GK5: variants seen among roughly 807,000 people sequenced by gnomAD.
The protein encoded by GK5 is ATP:glycerol 3-phosphotransferase 5.
GK5 carries 39 observed loss-of-function variants against 77.3 expected under a neutral mutation model. That is an observed-to-expected ratio of 0.50 (90% CI 0.39 to 0.66). The LOEUF is 0.66. GK5 is among the 30% of genes least tolerant of loss of function. The pLI is 0.00. For synonymous variants in GK5, 211 were observed against 208.0 expected, an observed-to-expected ratio of 1.01 and a Z score of -0.13; for missense variants, 487 against 633.8, an observed-to-expected ratio of 0.77 and a Z score of 2.49.
At chr3:142,213,644 A>T (rs1318795429) in intron 2 of GK5, 43 bp from the exon 3 acceptor site, 1 of 1,277,194 alleles carries the variant, frequency 7.8e-7, no homozygotes, top group Admixed American at 1.7e-5. Context: ...AAAGCCAGTG[A>T]TATTTTTCTT....
At chr3:142,165,842 T>A in intron 15 of GK5, 72 bp from the exon 16 acceptor site, 1 of 965,782 alleles carries the variant, frequency 1.0e-6, no homozygotes, top group Non-Finnish European at 1.5e-6. Flanking sequence ...CAAAAACCTA[T>A]ACGAGTTGCT....
chr3:142,171,938 C>T (rs944590372), intron 13 of GK5, among the ~76,000 whole-genome samples: 5 of 152,052 alleles, frequency 3.3e-5, no homozygotes, highest in African/African-American at 1.2e-4. Context: ...TAATTAACAC[C>T]TGTCTCATAA....
At chr3:142,213,451 C>T in intron 3 of GK5, 75 bp downstream of exon 3, 1 of 908,938 alleles carries the variant, frequency 1.1e-6, no homozygotes, top group South Asian at 1.4e-5. Context: ...TAAAACTCCC[C>T]AAAGAGATTT....
In GK5 at chr3:142,162,509, T is replaced by C. The variant is rs6769556; in HGVS notation, c.*3113A>G. The C allele has an allele frequency of 0.45, 68,455 of 152,084 alleles. 16,763 individuals are homozygous for C. Among genetic ancestry groups the C allele is most frequent in the African/African-American group, 0.64 (26,513 of 41,488 alleles). 9.4% of individuals were successfully genotyped at this position (152,084 alleles called of 1,614,324 possible). Reference sequence around the variant, plus strand: ...GATAAAAAAGATGAAAAAATCAGTATGTCTATAGTATAAAAGCAATTAGTA... The same window carrying C: ...GATAAAAAAGATGAAAAAATCAGTACGTCTATAGTATAAAAGCAATTAGTA... On this transcript the variant is annotated 3_prime_UTR_variant, in exon 16 of 16. Transcript: ENST00000392993.
Position 142,158,842 on chromosome 3 carries a change from A to G in GK5, c.*6780T>C, listed in dbSNP as rs1376509633. The G allele has an allele frequency of 6.6e-6, 1 of 152,250 alleles. No individual in the cohort carries two copies. Among genetic ancestry groups the G allele is most frequent in the East Asian group, 1.9e-4 (1 of 5,198 alleles). 9.4% of individuals were successfully genotyped at this position (152,250 alleles called of 1,614,324 possible). A position where few individuals can be genotyped will look rare whatever the true frequency, so the allele number is the denominator to read the frequency against. ...ATATCTGTATACTCTAACATTCTAA[A>G]TAAAGGTATCTTTGAAAATTTACTA... On this transcript the variant is annotated 3_prime_UTR_variant, in exon 16 of 16. Transcript: ENST00000392993.
chr3:142,221,714 T>C (rs969039657), intron 1 of GK5, among the ~76,000 whole-genome samples: 1 of 152,188 alleles, frequency 6.6e-6, no homozygotes, highest in African/African-American at 2.4e-5. Flanking sequence ...TCTCCATTTT[T>C]CAAACCAAAA....
chr3:142,202,777 T>A (rs1259598403), intron 4 of GK5, among the ~76,000 whole-genome samples: 1 of 152,114 alleles, frequency 6.6e-6, no homozygotes, highest in Non-Finnish European at 1.5e-5. Context: ...ACCAACATGA[T>A]GAAACCCTGT....
At chr3:142,202,592 T>C (rs1412307776) in intron 4 of GK5, among the ~76,000 whole-genome samples, 1 of 152,204 alleles carries the variant, frequency 6.6e-6, no homozygotes, top group Non-Finnish European at 1.5e-5. Context: ...ATGTGCATGT[T>C]CAATATCAAG....
At chr3:142,194,588 C>G (rs1243430834) in intron 5 of GK5, among the ~76,000 whole-genome samples, 1 of 151,340 alleles carries the variant, frequency 6.6e-6, no homozygotes, top group African/African-American at 2.4e-5. Context: ...GCTACTCTGG[C>G]GGCTGAAGTA....
intron 3 of GK5, among the ~76,000 whole-genome samples, chr3:142,210,652 T>A (rs1316500448): frequency 6.6e-6 from 1 of 152,146 alleles, no homozygotes; most frequent in Non-Finnish European, 1.5e-5. Context: ...ACAGCCAAGA[T>A]AAAAAACTCA....
chr3:142,201,986 T>C (rs935809816), intron 4 of GK5, among the ~76,000 whole-genome samples: 3 of 152,138 alleles, frequency 2.0e-5, no homozygotes, highest in Non-Finnish European at 4.4e-5. Context: ...CCAGATGTGC[T>C]ACATGAGCTC....
intron 9 of GK5, chr3:142,185,023 C>A (rs138131429): frequency 4.3e-5 from 42 of 985,458 alleles, no homozygotes; most frequent in Non-Finnish European, 4.1e-5. Context: ...GCTGCTCCCC[C>A]AGCTACTGTG....
chr3:142,172,801 T>G (rs544340209), intron 12 of GK5, among the ~76,000 whole-genome samples: 1 of 152,336 alleles, frequency 6.6e-6, no homozygotes, highest in South Asian at 2.1e-4. Flanking sequence ...TACACTAAAA[T>G]TGTTTAATAT....
rs2063441530 is a variant in GK5 at position 142,163,465 on chromosome 3, G to A, written c.*2157C>T. ...AATTTTTGTATTTTTAGTGGAGACAGGGTTTCACCGTGTTTGACCAGGTTG... is the reference window on the plus strand; with the variant it reads ...AATTTTTGTATTTTTAGTGGAGACAAGGTTTCACCGTGTTTGACCAGGTTG... On this transcript the variant is annotated 3_prime_UTR_variant, in exon 16 of 16. Transcript: ENST00000392993. The A allele has an allele frequency of 6.6e-6, 1 of 151,920 alleles. No homozygotes were observed. Among genetic ancestry groups the A allele is most frequent in the Non-Finnish European group, 1.5e-5 (1 of 68,034 alleles). The allele number at this position is 151,920 out of a possible 1,614,324, so 9.4% of individuals were successfully genotyped here. A position where few individuals can be genotyped will look rare whatever the true frequency, so the allele number is the denominator to read the frequency against.
chr3:142,183,638 T>C (rs2063725347), intron 9 of GK5: 1 of 152,160 alleles, frequency 6.6e-6, no homozygotes, highest in Admixed American at 6.6e-5. Flanking sequence ...GCCAAGCTAA[T>C]TTTTGTATTT....
intron 15 of GK5, among the ~76,000 whole-genome samples, chr3:142,167,512 A>G (rs2063487146): frequency 6.6e-6 from 1 of 152,236 alleles, no homozygotes; most frequent in African/African-American, 2.4e-5. Flanking sequence ...TAAAATCCTC[A>G]TTTCCAGAAT....
In GK5 at chr3:142,172,455, G is replaced by C; in HGVS notation, c.1145C>G (p.Ala382Gly). ...CFVPSFSGLQ[A>G]PLNDPWACAS... The stretch of plus-strand genomic sequence containing the variant: ...ACATGCCCAGGGGTCATTTAATGGA[G>C]CCTACAGTAAGAGATAACAAGAATA... Residue 382 changes from alanine (A) to glycine (G), a missense_variant and splice_region_variant, in exon 13 of 16, where the codon GCT (alanine) becomes GGT (glycine). Ala to Gly is a moderately conservative substitution (Grantham distance 60). Transcript: ENST00000392993. 1 of 1,542,112 alleles carries C rather than the reference G, an allele frequency of 6.5e-7. No individual in the cohort carries two copies. Among genetic ancestry groups the C allele is most frequent in the Non-Finnish European group, 8.9e-7 (1 of 1,121,164 alleles).
intron 5 of GK5, among the ~76,000 whole-genome samples, chr3:142,188,135 G>A (rs888139844): frequency 6.6e-6 from 1 of 151,808 alleles, no homozygotes; most frequent in Non-Finnish European, 1.5e-5. Context: ...GTTGGCTCAC[G>A]CCTGTAATCC....
At position 142,225,535 on chromosome 3, in the gene GK5, C is replaced by G; in HGVS notation, c.-80G>C. ...ATCCCAATGCTCCAGAGTCCCCGGG[C>G]GGCCCAACCCGGGCCCCAACCCGGC... On this transcript the variant is annotated 5_prime_UTR_variant, in exon 1 of 16. Coordinates refer to ENST00000392993, the MANE Select transcript of GK5 (RefSeq NM_001039547.3). The G allele has an allele frequency of 6.7e-7, 1 of 1,494,480 alleles. No individual in the cohort carries two copies. The highest frequency in any genetic ancestry group is 1.2e-5 in the South Asian group (1 of 81,194). The allele number at this position is 1,494,480 out of a possible 1,614,324, so 92.6% of individuals were successfully genotyped here. A position where few individuals can be genotyped will look rare whatever the true frequency, so the allele number is the denominator to read the frequency against.
Sources: gnomAD v4.1 joint callset for allele counts (sites outside exome capture counted in the v4.1 genomes callset) on GRCh38, gnomAD v4.1.1 for gene constraint, MANE v1.5 for transcripts, NCBI Gene and HGNC (gene_info 2026-07-23, HGNC 2026-07-21) for gene names.